Variants in SLC35F4 observed in about 807,000 individuals in gnomAD.
SLC35F4 encodes the protein solute carrier family 35 member F4.
A neutral mutation model predicts 44.2 loss-of-function variants in SLC35F4; 24 were observed. The observed-to-expected ratio is 0.54, with a 90% CI of 0.39 to 0.76. SLC35F4 has a LOEUF of 0.76. SLC35F4 is among the 30% of genes least tolerant of loss of function. The pLI is 0.00. For synonymous variants in SLC35F4, 238 were observed against 223.6 expected, an observed-to-expected ratio of 1.06 and a Z score of -0.57; for missense variants, 562 against 586.1, an observed-to-expected ratio of 0.96 and a Z score of 0.42.
rs565435521 is a variant in SLC35F4, at chr14:57,798,498, C to T, written c.103+67225G>A. ...GGTAAAACTAGTTCAAAAATCTAAA[C>T]AATTCTGAAACTTCCTTCAGACCAT... On this transcript the variant is annotated intron_variant, in intron 1 of 7. Transcript: ENST00000556826. Among the ~76,000 whole-genome samples the T allele has an allele frequency of 1.3e-4, 20 of 152,288 alleles. 1 individual carries two copies. In the South Asian group the frequency reaches 2.9e-3, roughly 22 times the overall value.
Position 57,956,755 on chromosome 14 carries a change from C to T in SLC35F4, n.282+25158G>A, listed in dbSNP as rs543876713. 8.5e-5 allele frequency among the ~76,000 whole-genome samples: 13 copies of T among 152,208 alleles called. No individual in the cohort carries two copies. The South Asian group carries it at 2.7e-3, about 32-fold the overall frequency. ...AATCACAATGAGATACCATCTCATG[C>T]CAGTTAGAATAGCGATCATTAAAAG... is the stretch of plus-strand genomic sequence containing the variant. On this transcript the variant is annotated intron_variant and non_coding_transcript_variant, in intron 1 of 1. Coordinates refer to the SLC35F4 transcript ENST00000556568.
intron 1 of SLC35F4, among the ~76,000 whole-genome samples, chr14:57,669,156 C>T (rs2074422888): frequency 6.6e-6 from 1 of 151,942 alleles, no homozygotes; most frequent in Admixed American, 6.6e-5. Context: ...TATAAGACTG[C>T]TTGTGATTTT....
intron 1 of SLC35F4, among the ~76,000 whole-genome samples, chr14:57,610,983 T>C (rs1235467626): frequency 1.3e-5 from 2 of 151,174 alleles, no homozygotes; most frequent in African/African-American, 2.4e-5. Context: ...AACGCAAGAG[T>C]GGGTAGTGAT....
chr14:57,782,733 A>C (rs1253548166), intron 1 of SLC35F4, among the ~76,000 whole-genome samples: 2 of 152,210 alleles, frequency 1.3e-5, no homozygotes, highest in Non-Finnish European at 2.9e-5. Context: ...ATGACAGTAA[A>C]AAACTGATCT....
At chr14:57,706,041 G>T (rs1160575572) in intron 1 of SLC35F4, among the ~76,000 whole-genome samples, 1 of 152,120 alleles carries the variant, frequency 6.6e-6, no homozygotes, top group Non-Finnish European at 1.5e-5. Flanking sequence ...TGTGCCTACT[G>T]CAATGAGTCT....
intron 1 of SLC35F4, among the ~76,000 whole-genome samples, chr14:57,882,899 G>A (rs945280255): frequency 6.6e-6 from 1 of 152,126 alleles, no homozygotes; most frequent in Non-Finnish European, 1.5e-5. Context: ...TTGACTTCGG[G>A]CTTGGCCCTG....
chr14:57,702,027 T>A (rs1230012474), intron 1 of SLC35F4, among the ~76,000 whole-genome samples: 2 of 152,188 alleles, frequency 1.3e-5, no homozygotes, highest in Non-Finnish European at 2.9e-5. Context: ...GCTGTATCCA[T>A]AAGTTTGATT....
At chr14:57,881,992 C>T (rs1344700093) in intron 1 of SLC35F4, among the ~76,000 whole-genome samples, 4 of 152,154 alleles carry the variant, frequency 2.6e-5, no homozygotes, top group Non-Finnish European at 5.9e-5. Context: ...GCAGAGTTCT[C>T]TTGGCTCTTG....
At chr14:57,898,407 G>A (rs957753342) in intron 1 of SLC35F4, among the ~76,000 whole-genome samples, 2 of 152,150 alleles carry the variant, frequency 1.3e-5, no homozygotes, top group Admixed American at 6.6e-5. Flanking sequence ...TAAGAAAGGT[G>A]GTATTGGGGT....
At chr14:57,888,144 G>A (rs1172031825) in intron 1 of SLC35F4, among the ~76,000 whole-genome samples, 2 of 152,156 alleles carry the variant, frequency 1.3e-5, no homozygotes, top group African/African-American at 4.8e-5. Flanking sequence ...ACTCAAGACA[G>A]AGTTTATACC....
chr14:57,750,638 C>T (rs982156193), intron 1 of SLC35F4, among the ~76,000 whole-genome samples: 3 of 152,120 alleles, frequency 2.0e-5, no homozygotes, highest in Non-Finnish European at 4.4e-5. Flanking sequence ...CAATGTTGAA[C>T]ATTTTTTGCA....
At chr14:57,791,551 C>T (rs982784785) in intron 1 of SLC35F4, among the ~76,000 whole-genome samples, 1 of 152,144 alleles carries the variant, frequency 6.6e-6, no homozygotes, top group African/African-American at 2.4e-5. Flanking sequence ...ATTAGTTCAA[C>T]CATTGTGGAC....
At chr14:57,890,914 G>A (rs1888748984) in intron 1 of SLC35F4, among the ~76,000 whole-genome samples, 1 of 152,126 alleles carries the variant, frequency 6.6e-6, no homozygotes. Flanking sequence ...ATAAAAATAA[G>A]CAAGTTCTTT....
chr14:57,852,780 A>C (rs1886699059), intron 1 of SLC35F4, among the ~76,000 whole-genome samples: 1 of 152,126 alleles, frequency 6.6e-6, no homozygotes, highest in Admixed American at 6.6e-5. Flanking sequence ...CATGGGCTTC[A>C]ACAAAAACAC....
chr14:57,800,549 G>C (rs888109427), intron 1 of SLC35F4, among the ~76,000 whole-genome samples: 9 of 152,114 alleles, frequency 5.9e-5, no homozygotes, highest in Non-Finnish European at 1.0e-4. Flanking sequence ...CTTCAGAAGG[G>C]GGGTAATAAC....
intron 1 of SLC35F4, among the ~76,000 whole-genome samples, chr14:57,636,272 G>A (rs1276708165): frequency 6.6e-6 from 1 of 152,122 alleles, no homozygotes; most frequent in African/African-American, 2.4e-5. Flanking sequence ...CGTTGGATTT[G>A]ATTACTAAAC....
chr14:57,761,303 A>C (rs2077119041), intron 1 of SLC35F4, among the ~76,000 whole-genome samples: 1 of 152,194 alleles, frequency 6.6e-6, no homozygotes, highest in Middle Eastern at 3.2e-3. Flanking sequence ...CTTGATGTAC[A>C]TATCTGCAAG....
At chr14:57,974,782 G>T (rs1047830659), downstream of SLC35F4, among the ~76,000 whole-genome samples, 1 of 152,200 alleles carries the variant, frequency 6.6e-6, no homozygotes, top group Non-Finnish European at 1.5e-5. Flanking sequence ...CTATTTCACA[G>T]GGTTGTGGGG....
At chr14:57,888,704 T>TG (rs1888701503) in intron 1 of SLC35F4, among the ~76,000 whole-genome samples, 1 of 152,208 alleles carries the variant, frequency 6.6e-6, no homozygotes, top group Non-Finnish European at 1.5e-5. Context: ...TGTTTCAAAT[T>TG]GGAAAAAGAA....
Sources: allele counts gnomAD v4.1 joint callset (sites outside exome capture counted in the v4.1 genomes callset), GRCh38; gene constraint gnomAD v4.1.1; transcripts MANE v1.5; gene names NCBI Gene and HGNC (gene_info 2026-07-23, HGNC 2026-07-21).